The following CHL1 variants were observed in gnomAD, a reference collection of about 807,000 sequenced individuals.
CHL1 encodes cell adhesion molecule L1 like.
Under a neutral mutation model 141.9 loss-of-function variants are expected in CHL1, and 96 were observed. That is an observed-to-expected ratio of 0.68 (90% confidence interval 0.57 to 0.80). The LOEUF (loss-of-function observed/expected upper bound fraction) is 0.80, where lower values mean the gene tolerates loss of function less well. Among genes scored for constraint, CHL1 ranks in the 30% least tolerant of loss-of-function variants. The pLI, the probability that CHL1 is intolerant of heterozygous loss-of-function variation, is 0.00. For missense variants in CHL1, 1,820 were observed against 1,457.2 expected (o/e 1.25, Z -4.05); for synonymous variants, 613 against 502.2 (o/e 1.22, Z -2.95).
At position 399,141 on chromosome 3, in the gene CHL1, G is replaced by T; in HGVS notation, c.3378G>T (p.Lys1126Asn). Residue 1126 changes from lysine (K) to asparagine (N), a missense_variant, in exon 26 of 28, where the codon AAG becomes AAT. Coordinates refer to ENST00000256509, the MANE Select transcript of CHL1 (RefSeq NM_006614.4). ...VCFVKRNRGG[K>N]YSVKEKEDLH... is the part of the protein sequence containing the mutation. ...TTGTGAAGAGGAATAGAGGTGGAAA[G>T]TACTCAGGTAAAATTGTTTCTTAAT... The T allele has an allele frequency of 6.2e-7, 1 of 1,609,498 alleles. No individual in the cohort carries two copies. The highest frequency in any genetic ancestry group is 1.1e-5 in the South Asian group (1 of 90,768).
At chr3:312,304 C>A (rs536876002) in intron 2 of CHL1, among the ~76,000 whole-genome samples, 2 of 152,146 alleles carry the variant, frequency 1.3e-5, no homozygotes, top group African/African-American at 2.4e-5. Context: ...ACACTCTAAG[C>A]AGTTCTTTTG....
At chr3:288,558 T>G (rs766371154) in intron 2 of CHL1, among the ~76,000 whole-genome samples, 3 of 152,310 alleles carry the variant, frequency 2.0e-5, no homozygotes, top group Non-Finnish European at 2.9e-5. Flanking sequence ...GATCCTATCA[T>G]GATCCCTGGG....
At chr3:305,964 T>C (rs543127979) in intron 2 of CHL1, among the ~76,000 whole-genome samples, 1 of 152,292 alleles carries the variant, frequency 6.6e-6, no homozygotes, top group East Asian at 1.9e-4. Context: ...CTATTAAACA[T>C]GTGTATTTAA....
intron 5 of CHL1, among the ~76,000 whole-genome samples, chr3:329,492 A>G (rs1467008592): frequency 1.3e-5 from 2 of 152,052 alleles, no homozygotes; most frequent in Non-Finnish European, 2.9e-5. Flanking sequence ...TAAGGTGTGC[A>G]TCTTAAAATT....
intron 1 of CHL1, among the ~76,000 whole-genome samples, chr3:228,074 G>C (rs987774984): frequency 5.3e-5 from 8 of 152,094 alleles, no homozygotes; most frequent in Non-Finnish European, 1.2e-4. Context: ...GGCAAACACT[G>C]CCTAATGGAA....
At chr3:365,397 C>T (rs1331421217) in intron 14 of CHL1, among the ~76,000 whole-genome samples, 1 of 152,132 alleles carries the variant, frequency 6.6e-6, no homozygotes, top group Non-Finnish European at 1.5e-5. Context: ...TATTGAATGC[C>T]TACGGTGTAC....
chr3:242,367 G>C (rs11715481), intron 1 of CHL1, among the ~76,000 whole-genome samples: 18,795 of 142,656 alleles, frequency 0.13, 1,686 homozygotes, highest in African/African-American at 0.26. Context: ...GAGGCTGAGG[G>C]GGGCAGATCA....
intron 1 of CHL1, among the ~76,000 whole-genome samples, chr3:202,013 C>T (rs532463582): frequency 4.6e-5 from 7 of 152,276 alleles, no homozygotes; most frequent in Non-Finnish European, 4.4e-5. Context: ...CAGCAGGAAG[C>T]GAACTGTTGT....
intron 15 of CHL1, among the ~76,000 whole-genome samples, chr3:373,110 A>T (rs1415898353): frequency 6.6e-6 from 1 of 152,164 alleles, no homozygotes; most frequent in Non-Finnish European, 1.5e-5. Flanking sequence ...GACCCATCTA[A>T]TAAAGCACTT....
At position 268,217 on chromosome 3, in the gene CHL1, C is replaced by A. The variant is rs146492150; in HGVS notation, c.-95+23525C>A. On this transcript the variant is annotated intron_variant, in intron 2 of 27. Transcript: ENST00000256509. Reference sequence around the variant, plus strand: ...TAATAAAGTGTTTTAGATATTATGGCAGTGATGAAGAAAATGTATTGAAAA... The same window carrying A: ...TAATAAAGTGTTTTAGATATTATGGAAGTGATGAAGAAAATGTATTGAAAA... Among the ~76,000 whole-genome samples the A allele has an allele frequency of 1.1e-3, 174 of 152,202 alleles. 2 individuals carry two copies. Among genetic ancestry groups the A allele is most frequent in the African/African-American group, 3.7e-3 (154 of 41,532 alleles).
intron 15 of CHL1, among the ~76,000 whole-genome samples, chr3:371,691 T>C (rs1237506875): frequency 6.6e-6 from 1 of 152,218 alleles, no homozygotes; most frequent in African/African-American, 2.4e-5. Flanking sequence ...GTGAAGTTTC[T>C]TCATCATGTC....
intron 1 of CHL1, among the ~76,000 whole-genome samples, chr3:205,786 C>G (rs1699380679): frequency 6.6e-6 from 1 of 152,178 alleles, no homozygotes; most frequent in Non-Finnish European, 1.5e-5. Flanking sequence ...TAAATAGCCA[C>G]CATTGATCAT....
At position 360,372 on chromosome 3, in the gene CHL1, A is replaced by G. The variant is rs1489046860; in HGVS notation, c.1254A>G (p.Glu418=). The G allele has an allele frequency of 6.2e-7, 1 of 1,613,888 alleles. No individual in the cohort carries two copies. The highest frequency in any genetic ancestry group is 2.2e-5 in the East Asian group (1 of 44,864). The change falls in exon 12 of 28, where the codon GAA becomes GAG. Residue 418 remains glutamate (E), a synonymous_variant. Coordinates refer to ENST00000256509, the MANE Select transcript of CHL1 (RefSeq NM_006614.4). The stretch of plus-strand genomic sequence containing the variant: ...ATCATACTGCTGTGTACCAGTGTGA[A>G]GCCTCAAATGTCCATGGAACTATCC... ...QPNHTAVYQC[E]ASNVHGTILA... is the part of the protein sequence containing the mutation.
intron 2 of CHL1, among the ~76,000 whole-genome samples, chr3:258,381 A>C (rs1574882653): frequency 6.6e-6 from 1 of 152,220 alleles, no homozygotes; most frequent in Non-Finnish European, 1.5e-5. Context: ...TGTGGCCAAC[A>C]TCTACTTCCA....
At chr3:272,027 T>C (rs1695676236) in intron 2 of CHL1, among the ~76,000 whole-genome samples, 1 of 152,246 alleles carries the variant, frequency 6.6e-6, no homozygotes, top group African/African-American at 2.4e-5. Flanking sequence ...CAATGTAGCA[T>C]GATTTAATAG....
chr3:273,685 G>C (rs4685525), intron 2 of CHL1, among the ~76,000 whole-genome samples: 19,411 of 151,964 alleles, frequency 0.13, 1,797 homozygotes, highest in East Asian at 0.48. Context: ...CTATCATAAT[G>C]ACTTCTTTTA....
intron 2 of CHL1, among the ~76,000 whole-genome samples, chr3:260,922 T>C (rs1326755203): frequency 6.6e-6 from 1 of 152,212 alleles, no homozygotes. Flanking sequence ...TGTCAGAAAT[T>C]AGCCTGGTTT....
intron 5 of CHL1, among the ~76,000 whole-genome samples, chr3:330,305 A>G (rs1414034568): frequency 1.3e-5 from 2 of 152,262 alleles, no homozygotes; most frequent in East Asian, 3.9e-4. Flanking sequence ...AAAACTCTAC[A>G]TAACAAAACA....
chr3:204,471 A>G (rs1182544100), intron 1 of CHL1, among the ~76,000 whole-genome samples: 1 of 152,228 alleles, frequency 6.6e-6, no homozygotes, highest in Non-Finnish European at 1.5e-5. Context: ...TCTTAATGTG[A>G]GGAATTTTTA....
Sources: gnomAD v4.1 joint callset for allele counts (sites outside exome capture counted in the v4.1 genomes callset) on GRCh38, gnomAD v4.1.1 for gene constraint, MANE v1.5 for transcripts, NCBI Gene and HGNC (gene_info 2026-07-23, HGNC 2026-07-21) for gene names.